Variants in SLMAP observed in about 807,000 individuals in gnomAD.
The protein encoded by SLMAP is sarcolemmal membrane-associated protein.
In SLMAP, 44 loss-of-function variants were observed where a neutral mutation model predicts 128.8. That is an observed-to-expected ratio of 0.34 (90% CI 0.27 to 0.44). The LOEUF is 0.44. Ranked by LOEUF, SLMAP falls within the 20% of genes least tolerant of loss-of-function variation. SLMAP has a pLI of 1.00. For missense variants in SLMAP, 787 were observed against 985.3 expected, an observed-to-expected ratio of 0.80 and a Z score of 2.69; for synonymous variants, 327 against 348.8, an observed-to-expected ratio of 0.94 and a Z score of 0.70.
chr3:57,822,894 A>G (rs111784557), intron 2 of SLMAP, among the ~76,000 whole-genome samples: 65 of 152,322 alleles, frequency 4.3e-4, no homozygotes, highest in African/African-American at 1.4e-3. Context: ...TGCAGAGATA[A>G]CAGAGACTTC....
At chr3:57,782,395 G>A (rs570941883) in intron 2 of SLMAP, among the ~76,000 whole-genome samples, 46 of 152,320 alleles carry the variant, frequency 3.0e-4, no homozygotes, top group African/African-American at 1.0e-3. Flanking sequence ...TTAAAAAGGT[G>A]TTTTGTTACT....
intron 15 of SLMAP, among the ~76,000 whole-genome samples, chr3:57,894,736 C>T (rs2096194146): frequency 6.6e-6 from 1 of 152,048 alleles, no homozygotes; most frequent in African/African-American, 2.4e-5. Context: ...ATGAATAGGC[C>T]AAGTAGAGAA....
At chr3:57,898,994 C>T (rs2096304736) in intron 17 of SLMAP, 1 of 152,166 alleles carries the variant, frequency 6.6e-6, no homozygotes, top group South Asian at 2.1e-4. Flanking sequence ...ATAATGAAGA[C>T]ACTGATCATG....
At chr3:57,843,401 G>A (rs2153567155) in intron 4 of SLMAP, among the ~76,000 whole-genome samples, 1 of 140,282 alleles carries the variant, frequency 7.1e-6, no homozygotes, top group South Asian at 2.4e-4. Flanking sequence ...CACCTCCCGG[G>A]TTCAAGCAAT....
At chr3:57,918,610 C>T (rs2096857912) in intron 22 of SLMAP, 1 of 152,126 alleles carries the variant, frequency 6.6e-6, no homozygotes, top group African/African-American at 2.4e-5. Flanking sequence ...CAGATGTTAA[C>T]ATGTTGGATA....
At chr3:57,843,766 C>CTTTT (rs2094092010) in intron 4 of SLMAP, among the ~76,000 whole-genome samples, 3 of 99,394 alleles carry the variant, frequency 3.0e-5, no homozygotes, top group Non-Finnish European at 4.0e-5. Flanking sequence ...CTCTTTCTTT[C>CTTTT]TTTTCTTTCT....
At position 57,912,580 on chromosome 3, in the gene SLMAP, T is replaced by C. The variant is rs2096724093; in HGVS notation, c.1899T>C (p.Leu633=). The C allele has an allele frequency of 6.2e-7, 1 of 1,614,062 alleles. No homozygotes were observed. The highest frequency in any genetic ancestry group is 1.7e-5 in the Admixed American group (1 of 59,998). The change falls in exon 20 of 25, where the codon CTT becomes CTC. Residue 633 remains leucine, a synonymous_variant. Coordinates refer to ENST00000671191, the MANE Select transcript of SLMAP (RefSeq NM_001377540.1). ...AGCTTAAGAAGGTGAGAGCTGAGCT[T>C]GAGCGGTGGCGGAAAGCAGCGTCTG... ...QEELKKVRAE[L]ERWRKAASEY...
intron 23 of SLMAP, among the ~76,000 whole-genome samples, chr3:57,923,617 A>G (rs1197205710): frequency 6.6e-6 from 1 of 152,242 alleles, no homozygotes; most frequent in Non-Finnish European, 1.5e-5. Flanking sequence ...GTTATACTAA[A>G]TAAATGTTGT....
chr3:57,807,317 G>A (rs913366578), intron 2 of SLMAP, among the ~76,000 whole-genome samples: 1 of 152,124 alleles, frequency 6.6e-6, no homozygotes, highest in Non-Finnish European at 1.5e-5. Context: ...TAGGTTGCCT[G>A]TTTATTCTTC....
chr3:57,860,917 A>G, intron 9 of SLMAP, 78 bp downstream of exon 9: 1 of 1,192,596 alleles, frequency 8.4e-7, no homozygotes, highest in Non-Finnish European at 1.2e-6. Context: ...GATACTTTAA[A>G]CTTGGGTATT....
intron 17 of SLMAP, among the ~76,000 whole-genome samples, chr3:57,905,898 T>G (rs2096524830): frequency 6.6e-6 from 1 of 151,958 alleles, no homozygotes; most frequent in Admixed American, 6.6e-5. Context: ...AGCAAAGAAT[T>G]TATTCAGCCC....
At chr3:57,860,905 A>T (rs1191415605) in intron 9 of SLMAP, 66 bp downstream of exon 9, 21 of 1,325,062 alleles carry the variant, frequency 1.6e-5, no homozygotes, top group Non-Finnish European at 1.9e-5. Flanking sequence ...CAAGCATTCC[A>T]GGATACTTTA....
chr3:57,842,470 G>A (rs2093985005), intron 4 of SLMAP, among the ~76,000 whole-genome samples: 1 of 151,908 alleles, frequency 6.6e-6, no homozygotes, highest in Non-Finnish European at 1.5e-5. Flanking sequence ...ATATAACTTA[G>A]CTTTTAAGAG....
At chr3:57,835,179 C>A (rs1362296306) in intron 3 of SLMAP, among the ~76,000 whole-genome samples, 2 of 150,492 alleles carry the variant, frequency 1.3e-5, no homozygotes, top group African/African-American at 4.9e-5. Context: ...GTGGCTCCCA[C>A]CTGTAATCCC....
intron 14 of SLMAP, among the ~76,000 whole-genome samples, chr3:57,880,590 T>G (rs1428927848): frequency 6.6e-6 from 1 of 151,762 alleles, no homozygotes; most frequent in Non-Finnish European, 1.5e-5. Context: ...AAAAAGAGAG[T>G]TTTAAGGCCA....
chr3:57,789,372 A>G (rs1278314868), intron 2 of SLMAP, among the ~76,000 whole-genome samples: 2 of 152,032 alleles, frequency 1.3e-5, no homozygotes, highest in Non-Finnish European at 2.9e-5. Context: ...AGTGGTTGGA[A>G]AATTACTAAG....
chr3:57,756,541 C>G lies in SLMAP; in HGVS notation c.-1104-7C>G, dbSNP rs947339021. The G allele has an allele frequency of 2.0e-5, 3 of 152,402 alleles. No individual in the cohort carries two copies. Among genetic ancestry groups the G allele is most frequent in the Admixed American group, 1.3e-4 (2 of 15,294 alleles). 9.4% of individuals were successfully genotyped at this position (152,402 alleles called of 1,614,324 possible). On this transcript the variant is annotated splice_region_variant and splice_polypyrimidine_tract_variant and intron_variant, in intron 1 of 24. Transcript: ENST00000671191. ...ACGGCCGTTTGTTTTGATGTTTTCC[C>G]CACCAGGTCGGAAAGTTTCCTGCCT... is the stretch of plus-strand genomic sequence containing the variant.
chr3:57,896,734 G>A, intron 16 of SLMAP, 139 bp from the exon 17 acceptor site: 1 of 1,303,692 alleles, frequency 7.7e-7, no homozygotes, highest in Non-Finnish European at 1.1e-6. Context: ...TTTGAATGCT[G>A]GATATTTTGT....
chr3:57,862,741 A>G (rs893878908), intron 10 of SLMAP, among the ~76,000 whole-genome samples: 2 of 152,174 alleles, frequency 1.3e-5, no homozygotes, highest in Non-Finnish European at 2.9e-5. Flanking sequence ...ATTATGCTGA[A>G]AGTATGAAAG....
Sources: gnomAD v4.1 joint callset for allele counts (sites outside exome capture counted in the v4.1 genomes callset) on GRCh38, gnomAD v4.1.1 for gene constraint, MANE v1.5 for transcripts, NCBI Gene and HGNC (gene_info 2026-07-23, HGNC 2026-07-21) for gene names.